Variants in ERCC3 observed in about 807,000 individuals in gnomAD.
The protein encoded by ERCC3 is ERCC excision repair 3, TFIIH core complex helicase subunit, also known as general transcription and DNA repair factor IIH helicase/translocase subunit XPB.
A neutral mutation model predicts 94.2 loss-of-function variants in ERCC3; 66 were observed. The observed-to-expected ratio is 0.70, with a 90% CI of 0.57 to 0.86. ERCC3 has a LOEUF of 0.86. ERCC3 is among the 40% of genes least tolerant of loss of function. The pLI is 0.00. For synonymous variants in ERCC3, 349 were observed against 369.1 expected (o/e 0.95, Z 0.63); for missense variants, 829 against 987.1 (o/e 0.84, Z 2.15).
Position 127,257,749 on chromosome 2 carries a change from C to T in ERCC3, c.2218-22G>A, listed in dbSNP as rs1684063304. ...ATGCCTGCCGGGAAGGGGGAACCAG[C>T]CCATGTTAGTCTCCAGAAGAAAAGA... On this transcript the variant is annotated intron_variant, in intron 14 of 14. Coordinates refer to ENST00000285398, the MANE Select transcript of ERCC3 (RefSeq NM_000122.2). This position sits in a 1 kb window ranked among gnomAD's most constrained non-coding sequence, Gnocchi z 5.4. 1 of 1,614,036 alleles carries T rather than the reference C, an allele frequency of 6.2e-7. No homozygotes were observed.
At chr2:127,287,807 G>A (rs1446325711) in intron 7 of ERCC3, among the ~76,000 whole-genome samples, 1 of 152,100 alleles carries the variant, frequency 6.6e-6, no homozygotes, top group Admixed American at 6.6e-5. Flanking sequence ...TCAGGGATGC[G>A]CTATGTGTGT....
chr2:127,289,354 ACACTGT>A lies in ERCC3; in HGVS notation c.799_804del (p.Thr267_Val268del), dbSNP rs1558962515. 6.2e-7 allele frequency: 1 copy of A among 1,613,790 alleles called. No homozygotes were observed. On this transcript the variant is annotated inframe_deletion, in exon 6 of 15. Transcript: ENST00000285398. ...TCACTAACCTGCTTGACTTCAAAAG[ACACTGT>A]CTGTGTCTCTTCTTCTTCTTCTTCA...
In ERCC3 at chr2:127,279,286, G is replaced by C; in HGVS notation, c.1617C>G (p.Asn539Lys). Residue 539 changes from asparagine to lysine, a missense_variant, in exon 10 of 15, where the codon AAC (asparagine) becomes AAG (lysine). Physicochemically the swap from Asn to Lys is moderately conservative, Grantham distance 94. Coordinates refer to ENST00000285398, the MANE Select transcript of ERCC3 (RefSeq NM_000122.2). The surrounding 1 kb of genome is among the most constrained non-coding windows in gnomAD (Gnocchi z 4.7). ...KRILLYTMNPNKFRACQFLIK... is the reference protein window; with the variant it reads ...KRILLYTMNPKKFRACQFLIK... ...TCAGAAACTGGCAAGCTCTAAATTTGTTGGGGTTCATGGTGTACAGCAAGA... is the reference window on the plus strand; with the variant it reads ...TCAGAAACTGGCAAGCTCTAAATTTCTTGGGGTTCATGGTGTACAGCAAGA... The C allele has an allele frequency of 1.2e-6, 2 of 1,613,854 alleles. No individual in the cohort carries two copies. Among genetic ancestry groups the C allele is most frequent in the Non-Finnish European group, 1.7e-6 (2 of 1,179,768 alleles).
intron 10 of ERCC3, among the ~76,000 whole-genome samples, 155 bp from the exon 11 acceptor site, chr2:127,273,116 A>C (rs1684616266): frequency 6.6e-6 from 1 of 152,196 alleles, no homozygotes; most frequent in South Asian, 2.1e-4. Context: ...GACTGGCTAC[A>C]GATGCACCTC....
chr2:127,276,499 A>G (rs549651784), intron 10 of ERCC3, among the ~76,000 whole-genome samples: 2 of 152,364 alleles, frequency 1.3e-5, no homozygotes, highest in South Asian at 4.1e-4. Flanking sequence ...AAGACACTCT[A>G]TTCACAAACA....
chr2:127,266,082 GT>G lies in ERCC3; in HGVS notation c.1946-4737del, dbSNP rs879746129. ...GTTTAGTTTCTATGTAATTGTGTGGGTTTTTTTTTTTCTTTTTTCTTTTATT... is the reference window on the plus strand; with the variant it reads ...GTTTAGTTTCTATGTAATTGTGTGGGTTTTTTTTTTCTTTTTTCTTTTATT... On this transcript the variant is annotated intron_variant, in intron 12 of 14. Coordinates refer to ENST00000285398, the MANE Select transcript of ERCC3 (RefSeq NM_000122.2). Among the ~76,000 whole-genome samples, 1,022 of 146,276 alleles carry G rather than the reference GT, an allele frequency of 7.0e-3. 13 individuals carry two copies. The highest frequency in any genetic ancestry group is 0.023 in the African/African-American group (916 of 40,280).
At chr2:127,290,202 G>A in intron 4 of ERCC3, 22 bp downstream of exon 4, 1 of 1,607,596 alleles carries the variant, frequency 6.2e-7, no homozygotes, top group South Asian at 1.1e-5. Flanking sequence ...CCTTGGGACA[G>A]GCCTGTCATG....
chr2:127,291,416 T>C lies in ERCC3; in HGVS notation c.472-1143A>G, dbSNP rs1281198575. 2.0e-5 allele frequency among the ~76,000 whole-genome samples: 3 copies of C among 152,122 alleles called. No homozygotes were observed. The highest frequency in any genetic ancestry group is 2.9e-5 in the Non-Finnish European group (2 of 68,026). On this transcript the variant is annotated intron_variant, in intron 3 of 14. Coordinates refer to ENST00000285398, the MANE Select transcript of ERCC3 (RefSeq NM_000122.2). The surrounding 1 kb of genome is among the most constrained non-coding windows in gnomAD (Gnocchi z 4.9). ...CTGGGATTACAGGCACCCACCACCATGCCTGGCGAATTTTTGTATTTTTAG... is the reference window on the plus strand; with the variant it reads ...CTGGGATTACAGGCACCCACCACCACGCCTGGCGAATTTTTGTATTTTTAG...
Position 127,277,312 on chromosome 2 carries a change from G to A in ERCC3, c.1730+1861C>T, listed in dbSNP as rs757721410. Reference sequence around the variant, plus strand: ...TTATGGTTATGTGAAGACTTTGGAGGGGAATAATTATTCAATGCACAGAAA... The same window carrying A: ...TTATGGTTATGTGAAGACTTTGGAGAGGAATAATTATTCAATGCACAGAAA... On this transcript the variant is annotated intron_variant, in intron 10 of 14. Coordinates refer to ENST00000285398, the MANE Select transcript of ERCC3 (RefSeq NM_000122.2). The surrounding 1 kb of genome is among the most constrained non-coding windows in gnomAD (Gnocchi z 5.1). Among the ~76,000 whole-genome samples the A allele has an allele frequency of 1.3e-5, 2 of 152,082 alleles. No homozygotes were observed. The highest frequency in any genetic ancestry group is 4.8e-5 in the African/African-American group (2 of 41,390).
intron 10 of ERCC3, among the ~76,000 whole-genome samples, chr2:127,275,150 C>T (rs1257953992): frequency 6.6e-6 from 1 of 152,110 alleles, no homozygotes; most frequent in African/African-American, 2.4e-5. Context: ...CTTGGAGAAT[C>T]CCCACCACAC....
chr2:127,269,423 T>TA (rs2104744910), intron 12 of ERCC3, among the ~76,000 whole-genome samples: 1 of 147,270 alleles, frequency 6.8e-6, no homozygotes, highest in South Asian at 2.2e-4. Flanking sequence ...TTCACTTTTT[T>TA]TTTTTTTTTT....
intron 3 of ERCC3, chr2:127,290,537 T>A: frequency 1.9e-6 from 1 of 527,876 alleles, no homozygotes; most frequent in East Asian, 3.4e-5. Context: ...AATCTTGCAT[T>A]CTGCCTTTCC....
chr2:127,292,433 C>A, intron 3 of ERCC3, 177 bp downstream of exon 3: 1 of 725,042 alleles, frequency 1.4e-6, no homozygotes, highest in Non-Finnish European at 2.5e-6. Context: ...CATGGCCTCA[C>A]CCAGAACACA....
At chr2:127,276,305 C>G (rs1430946477) in intron 10 of ERCC3, among the ~76,000 whole-genome samples, 1 of 152,086 alleles carries the variant, frequency 6.6e-6, no homozygotes, top group Non-Finnish European at 1.5e-5. Flanking sequence ...GCTGGCAAAC[C>G]CACTAAGCCA....
At chr2:127,289,309 G>C (rs1351362112) in intron 6 of ERCC3, 28 bp downstream of exon 6, 3 of 1,608,344 alleles carry the variant, frequency 1.9e-6, no homozygotes, top group Non-Finnish European at 2.6e-6. Flanking sequence ...CTCAGTGAAG[G>C]AACCAGGAGG....
chr2:127,290,277 C>T lies in ERCC3; in HGVS notation c.472-4G>A. 1 of 1,612,152 alleles carries T rather than the reference C, an allele frequency of 6.2e-7. No homozygotes were observed. Among genetic ancestry groups the T allele is most frequent in the Non-Finnish European group, 8.5e-7 (1 of 1,178,220 alleles). ...TTCCATAGCTGACAGTACACAACTGCAAATACAGATAACATCCAACAGGTA... is the reference window on the plus strand; with the variant it reads ...TTCCATAGCTGACAGTACACAACTGTAAATACAGATAACATCCAACAGGTA... On this transcript the variant is annotated splice_polypyrimidine_tract_variant and splice_region_variant and intron_variant, in intron 3 of 14. Transcript: ENST00000285398.
In ERCC3 at chr2:127,280,573, A is replaced by G; in HGVS notation, c.1401T>C (p.Thr467=). The G allele has an allele frequency of 1.2e-6, 2 of 1,614,252 alleles. No homozygotes were observed. The highest frequency in any genetic ancestry group is 1.3e-5 in the African/African-American group (1 of 75,078). Reference sequence around the variant, plus strand: ...TGTCATCTTCGCGGACGAGGGTCGCAGTCAAACCCAGCTTACAGTGGGCCT... The same window carrying G: ...TGTCATCTTCGCGGACGAGGGTCGCGGTCAAACCCAGCTTACAGTGGGCCT... The part of the protein sequence containing the change: ...IVQAHCKLGL[T]ATLVREDDKI... The change falls in exon 9 of 15, where the codon ACT becomes ACC. Residue 467 remains threonine (T), a synonymous_variant. Transcript: ENST00000285398. The surrounding 1 kb of genome is among the most constrained non-coding windows in gnomAD (Gnocchi z 6.3).
At position 127,259,326 on chromosome 2, in the gene ERCC3, C is replaced by T. The variant is rs755667383; in HGVS notation, c.2187G>A (p.Val729=). The T allele has an allele frequency of 5.3e-5, 85 of 1,614,122 alleles. No individual in the cohort carries two copies. Among genetic ancestry groups the T allele is most frequent in the Non-Finnish European group, 7.1e-5 (84 of 1,180,046 alleles). ...TGGATCTGGAGCCAAATTCCCCAGC[C>T]ACCACCTCCTCCTCGGCATCCAGGT... ...ATDLDAEEEV[V]AGEFGSRSSQ... is the part of the protein sequence containing the mutation. Residue 729 remains valine (V), a synonymous_variant, in exon 14 of 15, where the codon GTG becomes GTA. Transcript: ENST00000285398. This position sits in a 1 kb window ranked among gnomAD's most constrained non-coding sequence, Gnocchi z 4.9.
rs140023882 is a variant in ERCC3, at chr2:127,257,706, T to C, written c.2239A>G (p.Met747Val). The stretch of plus-strand genomic sequence containing the variant: ...TCGTCGGCCCCAGACATAGAACTCA[T>C]GGTGCCAAAGCGCCGAGATGCCTGC... Reference protein sequence around the residue: ...SSQASRRFGTMSSMSGADDTV... With the variant: ...SSQASRRFGTVSSMSGADDTV... The change falls in exon 15 of 15, where the codon ATG becomes GTG. Residue 747 changes from methionine (M) to valine (V), a missense_variant. Coordinates refer to ENST00000285398, the MANE Select transcript of ERCC3 (RefSeq NM_000122.2). This position sits in a 1 kb window ranked among gnomAD's most constrained non-coding sequence, Gnocchi z 5.4. 10 of 1,614,188 alleles carry C rather than the reference T, an allele frequency of 6.2e-6. No homozygotes were observed. Among genetic ancestry groups the C allele is most frequent in the Non-Finnish European group, 8.5e-6 (10 of 1,180,026 alleles).
Sources: allele counts gnomAD v4.1 joint callset (sites outside exome capture counted in the v4.1 genomes callset), GRCh38; gene constraint gnomAD v4.1.1; non-coding constraint Gnocchi (gnomAD v3.1); transcripts MANE v1.5; gene names NCBI Gene and HGNC (gene_info 2026-07-23, HGNC 2026-07-21).